CDH9: variants seen among roughly 807,000 people sequenced by gnomAD.
The protein encoded by CDH9 is cadherin-9.
CDH9 carries 28 observed loss-of-function variants against 70.9 expected under a neutral mutation model. The ratio of observed to expected loss-of-function variants is 0.40; its 90% CI spans 0.29 to 0.54. The LOEUF is 0.54. Among genes scored for constraint, CDH9 ranks in the 20% least tolerant of loss-of-function variants. CDH9 has a pLI of 0.59. For missense variants in CDH9, 874 were observed against 984.4 expected, an observed-to-expected ratio of 0.89 and a Z score of 1.50; for synonymous variants, 409 against 343.1, an observed-to-expected ratio of 1.19 and a Z score of -2.12.
chr5:26,970,387 C>T (rs537054016), intron 2 of CDH9, among the ~76,000 whole-genome samples: 2 of 151,842 alleles, frequency 1.3e-5, no homozygotes, highest in East Asian at 1.9e-4. Flanking sequence ...AAGAATAATC[C>T]TATTAGGTTT....
chr5:26,915,816 C>T lies in CDH9; in HGVS notation c.337G>A (p.Ala113Thr). The T allele has an allele frequency of 1.9e-6, 3 of 1,613,360 alleles. No homozygotes were observed. The South Asian group carries it at 3.3e-5, about 18-fold the overall frequency. ...TTTTCTTCTCTGTCTAGTTTCTTTG[C>T]AGCATGAATGTCTCCTGTATTTTCA... ...IDENTGDIHA[A>T]KKLDREEKSL... The change falls in exon 3 of 12, where the codon GCA becomes ACA. Residue 113 changes from alanine (A) to threonine (T), a missense_variant. By Grantham distance (58) the Ala-to-Thr change is moderately conservative. Coordinates refer to ENST00000231021, the MANE Select transcript of CDH9 (RefSeq NM_016279.4).
At position 26,915,709 on chromosome 5, in the gene CDH9, T is replaced by C. The variant is rs1741136068; in HGVS notation, c.444A>G (p.Lys148=). Residue 148 remains lysine (K), a synonymous_variant, in exon 3 of 12, where the codon AAA becomes AAG. Transcript: ENST00000231021. ...GCTCATTGTCATTGATATCATGTAT[T>C]TTAATGATAAATTCCGATTCCGGTT... ...QVEPESEFII[K]IHDINDNEPK... The C allele has an allele frequency of 9.3e-6, 15 of 1,611,252 alleles. No homozygotes were observed. Among genetic ancestry groups the C allele is most frequent in the African/African-American group, 1.3e-5 (1 of 74,886 alleles).
At chr5:26,978,022 A>C (rs1236860374) in intron 2 of CDH9, among the ~76,000 whole-genome samples, 1 of 152,124 alleles carries the variant, frequency 6.6e-6, no homozygotes, top group Admixed American at 6.5e-5. Flanking sequence ...ACACAGGATC[A>C]AAGTAGCATC....
At chr5:26,962,344 T>C (rs1742051473) in intron 2 of CDH9, among the ~76,000 whole-genome samples, 1 of 152,200 alleles carries the variant, frequency 6.6e-6, no homozygotes, top group Non-Finnish European at 1.5e-5. Context: ...TACCCAGTAA[T>C]GGGATTGCTG....
At chr5:27,009,918 T>C (rs1742928726) in intron 1 of CDH9, among the ~76,000 whole-genome samples, 1 of 152,084 alleles carries the variant, frequency 6.6e-6, no homozygotes, top group South Asian at 2.1e-4. Flanking sequence ...AAATTATGGG[T>C]CCCTTGGCCT....
chr5:26,899,657 G>C (rs1675461166), intron 7 of CDH9, among the ~76,000 whole-genome samples: 1 of 151,918 alleles, frequency 6.6e-6, no homozygotes, highest in African/African-American at 2.4e-5. Context: ...AGGGTAAATG[G>C]AGTTGAACAA....
At position 27,007,891 on chromosome 5, in the gene CDH9, A is replaced by G. The variant is rs116717045; in HGVS notation, c.-49-19509T>C. Among the ~76,000 whole-genome samples, 402 of 152,268 alleles carry G rather than the reference A, an allele frequency of 2.6e-3. 2 individuals are homozygous for G. The highest frequency in any genetic ancestry group is 9.2e-3 in the African/African-American group (381 of 41,584). On this transcript the variant is annotated intron_variant, in intron 1 of 11. Coordinates refer to ENST00000231021, the MANE Select transcript of CDH9 (RefSeq NM_016279.4). The stretch of plus-strand genomic sequence containing the variant: ...TTGAGGAGGACACTAAATTTCAATT[A>G]GATATTAGGATGAATATTAATTTTT...
At chr5:27,014,060 G>A (rs1164035916) in intron 1 of CDH9, among the ~76,000 whole-genome samples, 1 of 151,932 alleles carries the variant, frequency 6.6e-6, no homozygotes, top group Non-Finnish European at 1.5e-5. Flanking sequence ...TCATTCAACA[G>A]CTGTGATTGA....
intron 1 of CDH9, among the ~76,000 whole-genome samples, chr5:27,003,293 T>G (rs1742803661): frequency 6.6e-6 from 1 of 152,120 alleles, no homozygotes; most frequent in Non-Finnish European, 1.5e-5. Flanking sequence ...AATAGATAAT[T>G]GGGCAAGGAG....
At chr5:26,967,917 T>G (rs558996027) in intron 2 of CDH9, among the ~76,000 whole-genome samples, 25 of 152,146 alleles carry the variant, frequency 1.6e-4, no homozygotes, top group Non-Finnish European at 3.4e-4. Context: ...CTTCCTATGT[T>G]GCCCAGGCTG....
intron 1 of CDH9, among the ~76,000 whole-genome samples, chr5:27,019,256 T>C (rs1056236827): frequency 2.0e-5 from 3 of 152,146 alleles, no homozygotes; most frequent in South Asian, 2.1e-4. Flanking sequence ...GATGAGACTA[T>C]AGCAATGGAG....
At chr5:26,997,391 A>G (rs1217132780) in intron 1 of CDH9, among the ~76,000 whole-genome samples, 1 of 152,162 alleles carries the variant, frequency 6.6e-6, no homozygotes, top group Non-Finnish European at 1.5e-5. Flanking sequence ...CAAAAATTGT[A>G]TATGGTCTTC....
intron 2 of CDH9, among the ~76,000 whole-genome samples, chr5:26,984,876 A>G (rs187824381): frequency 6.6e-6 from 1 of 152,284 alleles, no homozygotes; most frequent in East Asian, 1.9e-4. Context: ...TGCGAAAAAC[A>G]AAAACTTGCT....
intron 2 of CDH9, among the ~76,000 whole-genome samples, chr5:26,958,493 A>T (rs1741982214): frequency 6.6e-6 from 1 of 152,194 alleles, no homozygotes; most frequent in Non-Finnish European, 1.5e-5. Context: ...AGGCACACAA[A>T]GCTGAAGTTC....
chr5:26,883,255 A>G (rs1327702629), intron 11 of CDH9, among the ~76,000 whole-genome samples: 1 of 151,196 alleles, frequency 6.6e-6, no homozygotes, highest in East Asian at 1.9e-4. Context: ...TAAGTTCTCC[A>G]CTTTTCAATC....
At chr5:26,933,001 A>T (rs1487313099) in intron 2 of CDH9, among the ~76,000 whole-genome samples, 2 of 147,478 alleles carry the variant, frequency 1.4e-5, no homozygotes, top group Non-Finnish European at 3.0e-5. Flanking sequence ...AAATTTAGAT[A>T]TATTATTTGT....
chr5:26,955,572 ATCTCTCTCTCTCTC>A (rs10541203), intron 2 of CDH9, among the ~76,000 whole-genome samples: 3 of 144,266 alleles, frequency 2.1e-5, no homozygotes, highest in Non-Finnish European at 3.0e-5. Context: ...TTGTGGCAGT[ATCTCTCTCTCTCTC>A]TCTCTCTCTC....
intron 1 of CDH9, among the ~76,000 whole-genome samples, chr5:27,001,844 A>ACACTCTCTCTCT (rs1312157550): frequency 6.3e-4 from 90 of 142,052 alleles, no homozygotes; most frequent in African/African-American, 2.4e-3. Flanking sequence ...ACACACACAC[A>ACACTCTCTCTCT]CTCTCTCTCT....
intron 2 of CDH9, among the ~76,000 whole-genome samples, chr5:26,950,268 T>A (rs1741822096): frequency 6.6e-6 from 1 of 152,206 alleles, no homozygotes; most frequent in African/African-American, 2.4e-5. Context: ...ATTTCATAAT[T>A]CACAGAATGA....
Sources: gnomAD v4.1 joint callset for allele counts (sites outside exome capture counted in the v4.1 genomes callset) on GRCh38, gnomAD v4.1.1 for gene constraint, MANE v1.5 for transcripts, NCBI Gene and HGNC (gene_info 2026-07-23, HGNC 2026-07-21) for gene names.